Variants in KLHL12 observed in about 807,000 individuals in gnomAD.
KLHL12 encodes the protein kelch like family member 12, also known as kelch-like protein 12.
KLHL12 carries 17 observed loss-of-function variants against 60.8 expected under a neutral mutation model. The observed-to-expected ratio is 0.28, with a 90% CI of 0.19 to 0.42. The LOEUF is 0.42. Among genes scored for constraint, KLHL12 ranks in the 10% least tolerant of loss-of-function variants. The pLI, the probability that KLHL12 is intolerant of heterozygous loss-of-function variation, is 1.00. For synonymous variants in KLHL12, 220 were observed against 250.9 expected, an observed-to-expected ratio of 0.88 and a Z score of 1.16; for missense variants, 468 against 722.3, an observed-to-expected ratio of 0.65 and a Z score of 4.04.
chr1:202,908,449 G>A (rs773671503), intron 6 of KLHL12, among the ~76,000 whole-genome samples: 1 of 152,152 alleles, frequency 6.6e-6, no homozygotes, highest in Non-Finnish European at 1.5e-5. Flanking sequence ...CAGGTGCTAC[G>A]ATGATTCCAT....
chr1:202,906,577 T>G (rs147225487), intron 6 of KLHL12, among the ~76,000 whole-genome samples: 201 of 152,098 alleles, frequency 1.3e-3, no homozygotes, highest in African/African-American at 4.4e-3. Flanking sequence ...AGAGATTGAT[T>G]GTATAACAAT....
At chr1:202,907,020 A>C (rs1235312181) in intron 6 of KLHL12, among the ~76,000 whole-genome samples, 8 of 152,066 alleles carry the variant, frequency 5.3e-5, no homozygotes, top group African/African-American at 1.9e-4. Context: ...GTATACAAAT[A>C]TTTTCCTATA....
At chr1:202,902,015 G>C (rs1660021658) in intron 6 of KLHL12, among the ~76,000 whole-genome samples, 1 of 148,682 alleles carries the variant, frequency 6.7e-6, no homozygotes, top group African/African-American at 2.6e-5. Flanking sequence ...CATTTTTACT[G>C]CTAAAAAACT....
At chr1:202,894,926 A>C (rs551920505) in intron 8 of KLHL12, among the ~76,000 whole-genome samples, 177 bp from the exon 9 acceptor site, 1 of 152,202 alleles carries the variant, frequency 6.6e-6, no homozygotes, top group Admixed American at 6.5e-5. Context: ...GAATGGGGTA[A>C]AACAAAATCC....
intron 2 of KLHL12, among the ~76,000 whole-genome samples, chr1:202,920,369 A>ATTTTTTTTTTTTTTT (rs951695987): frequency 3.6e-5 from 3 of 83,828 alleles, no homozygotes; most frequent in Admixed American, 1.9e-4. Flanking sequence ...ATTTTGTTGG[A>ATTTTTTTTTTTTTTT]TTTTTTTTTT....
At chr1:202,904,421 T>C (rs1660121239) in intron 6 of KLHL12, among the ~76,000 whole-genome samples, 1 of 152,192 alleles carries the variant, frequency 6.6e-6, no homozygotes, top group African/African-American at 2.4e-5. Context: ...TCTTCCACTA[T>C]TTTGTGCCTA....
intron 2 of KLHL12, among the ~76,000 whole-genome samples, chr1:202,922,258 A>C (rs1285874781): frequency 6.9e-6 from 1 of 145,724 alleles, no homozygotes; most frequent in Non-Finnish European, 1.5e-5. Context: ...GTTAGGTCTG[A>C]TATTATTACT....
Position 202,911,108 on chromosome 1 carries a change from A to G in KLHL12, c.663T>C (p.Tyr221=), listed in dbSNP as rs151239266. Residue 221 remains tyrosine (Y), a synonymous_variant, in exon 5 of 12, where the codon TAT becomes TAC. Transcript: ENST00000367261. ...TGGGGGTTAGTAGGGGCATCCGCAC[A>G]TACTGTAGCAGGTTAGGCAAGGATT... ...REESLPNLLQ[Y]VRMPLLTPRY... 2.3e-5 allele frequency: 37 copies of G among 1,613,956 alleles called. No homozygotes were observed. The highest frequency in any genetic ancestry group is 3.1e-5 in the Non-Finnish European group (37 of 1,179,934).
intron 3 of KLHL12, among the ~76,000 whole-genome samples, chr1:202,918,633 T>C (rs1660595218): frequency 6.6e-6 from 1 of 152,240 alleles, no homozygotes; most frequent in Non-Finnish European, 1.5e-5. Flanking sequence ...TATTGCAAGA[T>C]GAATCACATC....
intron 4 of KLHL12, chr1:202,912,362 G>C (rs1042375683): frequency 1.3e-6 from 1 of 794,800 alleles, no homozygotes; most frequent in African/African-American, 1.7e-5. Context: ...CCCTGTCAAA[G>C]TAAGAGATGG....
intron 6 of KLHL12, among the ~76,000 whole-genome samples, chr1:202,897,825 C>T (rs546556512): frequency 6.6e-6 from 1 of 152,100 alleles, no homozygotes; most frequent in African/African-American, 2.4e-5. Context: ...CTGCCTCAGC[C>T]TCCCAAAGTG....
chr1:202,919,277 G>A (rs1239585641), intron 3 of KLHL12, among the ~76,000 whole-genome samples: 1 of 152,028 alleles, frequency 6.6e-6, no homozygotes, highest in East Asian at 1.9e-4. Context: ...AAAAAACCTG[G>A]GAATTGTAAG....
At chr1:202,907,648 G>A (rs1319804152) in intron 6 of KLHL12, among the ~76,000 whole-genome samples, 2 of 149,952 alleles carry the variant, frequency 1.3e-5, no homozygotes, top group Non-Finnish European at 3.0e-5. Flanking sequence ...TGGGAGGCCT[G>A]TAATCCCAGC....
At chr1:202,921,331 T>G (rs1392288420) in intron 2 of KLHL12, among the ~76,000 whole-genome samples, 2 of 152,064 alleles carry the variant, frequency 1.3e-5, no homozygotes, top group East Asian at 1.9e-4. Flanking sequence ...CATGCCACCA[T>G]GCCTGGCTAA....
intron 4 of KLHL12, among the ~76,000 whole-genome samples, chr1:202,915,132 T>C (rs1660486169): frequency 6.6e-6 from 1 of 152,190 alleles, no homozygotes; most frequent in South Asian, 2.1e-4. Context: ...TCTTGAGTAT[T>C]AGGTACTGGC....
At chr1:202,924,933 G>C (rs771036525) in intron 2 of KLHL12, 35 bp downstream of exon 2, 13 of 1,589,870 alleles carry the variant, frequency 8.2e-6, no homozygotes, top group Non-Finnish European at 9.4e-6. Context: ...AGAGTTCCAC[G>C]GGTTTCATTT....
At chr1:202,915,922 C>T (rs1660508876) in intron 4 of KLHL12, among the ~76,000 whole-genome samples, 1 of 152,172 alleles carries the variant, frequency 6.6e-6, no homozygotes, top group South Asian at 2.1e-4. Flanking sequence ...AGTAAGTGTT[C>T]AACAAGTATT....
chr1:202,899,964 C>G (rs1481806962), intron 6 of KLHL12, among the ~76,000 whole-genome samples: 1 of 152,030 alleles, frequency 6.6e-6, no homozygotes, highest in East Asian at 1.9e-4. Flanking sequence ...TTATTTGTTT[C>G]TTCTTTGGGA....
chr1:202,894,475 C>T (rs1659769337), intron 9 of KLHL12, 116 bp downstream of exon 9: 4 of 1,046,312 alleles, frequency 3.8e-6, no homozygotes, highest in Non-Finnish European at 4.4e-6. Flanking sequence ...TATTAAGACA[C>T]ACCAGGGTTT....
Sources: allele counts gnomAD v4.1 joint callset (sites outside exome capture counted in the v4.1 genomes callset), GRCh38; gene constraint gnomAD v4.1.1; transcripts MANE v1.5; gene names NCBI Gene and HGNC (gene_info 2026-07-23, HGNC 2026-07-21).